Variants in BTBD17 observed in about 807,000 individuals in gnomAD.
The protein encoded by BTBD17 is BTB domain containing 17, also known as BTB/POZ domain-containing protein 17.
Under a neutral mutation model 36.9 loss-of-function variants are expected in BTBD17, and 26 were observed. That is an observed-to-expected ratio of 0.70 (90% confidence interval 0.52 to 0.98). BTBD17 has a LOEUF of 0.98. Among genes scored for constraint, BTBD17 ranks in the 50% least tolerant of loss-of-function variants. The pLI is 0.00. For missense variants in BTBD17, 630 were observed against 691.3 expected (o/e 0.91, Z 0.99); for synonymous variants, 341 against 338.0 (o/e 1.01, Z -0.10).
chr17:74,357,444 A>G lies in BTBD17; in HGVS notation c.650T>C (p.Leu217Pro). The change falls in exon 3 of 3, where the codon CTG becomes CCG. Residue 217 changes from leucine to proline, a missense_variant. Leu to Pro is a moderately conservative substitution (Grantham distance 98). Transcript: ENST00000375366. This position sits in a 1 kb window ranked among gnomAD's most constrained non-coding sequence, Gnocchi z 8.4. ...AVSPELLWQL[L>P]QRSDLVLQDE... ...CTGCAGCACCAGGTCCGAGCGTTGCAGGAGCTGCCAGAGCAGCTCGGGGCT... is the reference window on the plus strand; with the variant it reads ...CTGCAGCACCAGGTCCGAGCGTTGCGGGAGCTGCCAGAGCAGCTCGGGGCT... The G allele has an allele frequency of 3.2e-6, 5 of 1,582,916 alleles. No homozygotes were observed. The highest frequency in any genetic ancestry group is 1.1e-5 in the South Asian group (1 of 88,780).
In BTBD17 at chr17:74,357,007, G is replaced by C; in HGVS notation, c.1087C>G (p.Arg363Gly). 5 of 1,499,390 alleles carry C rather than the reference G, an allele frequency of 3.3e-6. No homozygotes were observed. Among genetic ancestry groups the C allele is most frequent in the Non-Finnish European group, 4.4e-6 (5 of 1,135,334 alleles). 92.9% of individuals were successfully genotyped at this position (1,499,390 alleles called of 1,614,324 possible). Residue 363 changes from arginine to glycine, a missense_variant, in exon 3 of 3, where the codon CGC becomes GGC. Arg to Gly is a moderately radical substitution (Grantham distance 125). Transcript: ENST00000375366. This position sits in a 1 kb window ranked among gnomAD's most constrained non-coding sequence, Gnocchi z 8.4. Reference protein sequence around the residue: ...RVTWNVLFSPRWLPVSLRPVY... With the variant: ...RVTWNVLFSPGWLPVSLRPVY... ...GGCCGCAGGCTGACGGGCAGCCAGC[G>C]CGGCGAGAAGAGCACGTTCCAGGTG...
upstream of BTBD17, among the ~76,000 whole-genome samples, chr17:74,362,170 C>T (rs984217757): frequency 6.6e-6 from 1 of 152,248 alleles, no homozygotes; most frequent in African/African-American, 2.4e-5. Context: ...GCGAGGGGCT[C>T]CAGGACCACT....
rs527949002 is a variant in BTBD17, at chr17:74,360,827, A to C, written c.86-582T>G. 3.9e-5 allele frequency among the ~76,000 whole-genome samples: 6 copies of C among 152,360 alleles called. No individual in the cohort carries two copies. The East Asian group carries it at 9.6e-4, about 24-fold the overall frequency. On this transcript the variant is annotated intron_variant, in intron 1 of 2. Transcript: ENST00000375366. ...CACACAAATAAGCACTCCAGTTTTA[A>C]AGGAGCCAGCCAGGGAACCAGTGTC...
intron 1 of BTBD17, 70 bp downstream of exon 1, chr17:74,361,665 C>T (rs911229730): frequency 2.2e-6 from 3 of 1,336,084 alleles, no homozygotes; most frequent in Non-Finnish European, 3.2e-6. Flanking sequence ...TCCTGGCCGG[C>T]CGCGTGCAGC....
rs1361629412 is a variant in BTBD17 at position 74,361,750 on chromosome 17, G to T, written c.70C>A (p.Leu24Met). 1 of 1,613,380 alleles carries T rather than the reference G, an allele frequency of 6.2e-7. No individual in the cohort carries two copies. The highest frequency in any genetic ancestry group is 1.3e-5 in the African/African-American group (1 of 74,926). ...SFWAMLTLVG[L>M]VTHAAQRADV... ...GCCCGCTCACCTGCATGGGTGACCAGGCCCACCAAGGTCAGCATGGCCCAG... is the reference window on the plus strand; with the variant it reads ...GCCCGCTCACCTGCATGGGTGACCATGCCCACCAAGGTCAGCATGGCCCAG... The change falls in exon 1 of 3, where the codon CTG becomes ATG. Residue 24 changes from leucine (L) to methionine (M), a missense_variant. Physicochemically the swap from Leu to Met is conservative, Grantham distance 15. Transcript: ENST00000375366.
At chr17:74,362,670 G>C (rs1447676756), upstream of BTBD17, among the ~76,000 whole-genome samples, 1 of 152,242 alleles carries the variant, frequency 6.6e-6, no homozygotes, top group Non-Finnish European at 1.5e-5. Flanking sequence ...GCTGGGGACT[G>C]TCTGCCCTGC....
intron 1 of BTBD17, 41 bp from the exon 2 acceptor site, chr17:74,360,286 C>T (rs760940506): frequency 3.3e-5 from 52 of 1,554,570 alleles, no homozygotes; most frequent in Non-Finnish European, 4.0e-5. Flanking sequence ...AGAAGGTGCC[C>T]GGGCCCAGAA....
In BTBD17 at chr17:74,361,812, C is replaced by T. The variant is rs773894565; in HGVS notation, c.8G>A (p.Arg3Lys). Reference protein sequence around the residue: MPRRGYSKPGSWG... With the variant: MPKRGYSKPGSWG... The stretch of plus-strand genomic sequence containing the variant: ...GGACCCAGGCTTGGAGTAGCCTCTC[C>T]TAGGCATCTTTATGCTCAGCCCCCA... Residue 3 changes from arginine to lysine, a missense_variant, in exon 1 of 3, where the codon AGG (arginine) becomes AAG (lysine). By Grantham distance (26) the Arg-to-Lys change is conservative. Transcript: ENST00000375366. 19 of 1,613,726 alleles carry T rather than the reference C, an allele frequency of 1.2e-5. No individual in the cohort carries two copies. The highest frequency in any genetic ancestry group is 1.6e-5 in the Non-Finnish European group (19 of 1,179,754).
chr17:74,359,481 A>G (rs868446853), intron 2 of BTBD17, among the ~76,000 whole-genome samples: 6 of 152,070 alleles, frequency 3.9e-5, no homozygotes, highest in Admixed American at 3.9e-4. Flanking sequence ...TCTGCCTCCC[A>G]GGTTCAAGCC....
chr17:74,359,843 T>A (rs1598406643), intron 2 of BTBD17, 126 bp downstream of exon 2: 2 of 943,900 alleles, frequency 2.1e-6, no homozygotes, highest in East Asian at 4.9e-5. Flanking sequence ...GTCACTGTCA[T>A]CCCAGTGATG....
Position 74,360,179 on chromosome 17 carries a change from T to C in BTBD17, c.152A>G (p.Gln51Arg). 3 of 1,611,902 alleles carry C rather than the reference T, an allele frequency of 1.9e-6. No homozygotes were observed. The African/African-American group carries it at 4.0e-5, about 21-fold the overall frequency. Residue 51 changes from glutamine to arginine, a missense_variant, in exon 2 of 3, where the codon CAG (glutamine) becomes CGG (arginine). Physicochemically the swap from Gln to Arg is conservative, Grantham distance 43. Coordinates refer to ENST00000375366, the MANE Select transcript of BTBD17 (RefSeq NM_001080466.2). ...CTGCCGCAGCAGCTCCTGCAAGCGCTGGAGCACCGCCTGGGAGTGGTTGAT... is the reference window on the plus strand; with the variant it reads ...CTGCCGCAGCAGCTCCTGCAAGCGCCGGAGCACCGCCTGGGAGTGGTTGAT... The part of the protein sequence containing the change: ...TSINHSQAVL[Q>R]RLQELLRQGN...
Position 74,357,678 on chromosome 17 carries a change from T to G in BTBD17, c.416A>C (p.His139Pro). 6.5e-7 allele frequency: 1 copy of G among 1,549,116 alleles called. No individual in the cohort carries two copies. Among genetic ancestry groups the G allele is most frequent in the Non-Finnish European group, 8.7e-7 (1 of 1,147,988 alleles). The change falls in exon 3 of 3, where the codon CAC becomes CCC. Residue 139 changes from histidine to proline, a missense_variant. By Grantham distance (77) the His-to-Pro change is moderately conservative (BLOSUM62 -2). Coordinates refer to ENST00000375366, the MANE Select transcript of BTBD17 (RefSeq NM_001080466.2). This position sits in a 1 kb window ranked among gnomAD's most constrained non-coding sequence, Gnocchi z 8.4. ...CACGCCGTACTTGGTGGCCAGTCTGTGCAGGGGGATGGCCTGGGTCAGCAG... is the reference window on the plus strand; with the variant it reads ...CACGCCGTACTTGGTGGCCAGTCTGGGCAGGGGGATGGCCTGGGTCAGCAG... ...TVLLTQAIPL[H>P]RLATKYGVSS...
chr17:74,356,450 A>C lies in BTBD17; in HGVS notation c.*207T>G. On this transcript the variant is annotated 3_prime_UTR_variant, in exon 3 of 3. Coordinates refer to ENST00000375366, the MANE Select transcript of BTBD17 (RefSeq NM_001080466.2). This position sits in a 1 kb window ranked among gnomAD's most constrained non-coding sequence, Gnocchi z 4.3. ...CTGAGCATCGGTTTATTCAGGACCA[A>C]GAACGTTCCTTCAAGTCAGCTGTGA... is the stretch of plus-strand genomic sequence containing the variant. 2.5e-6 allele frequency: 2 copies of C among 788,660 alleles called. No homozygotes were observed. The highest frequency in any genetic ancestry group is 3.5e-6 in the Non-Finnish European group (2 of 574,986). 48.9% of individuals were successfully genotyped at this position (788,660 alleles called of 1,614,324 possible). A position where few individuals can be genotyped will look rare whatever the true frequency, so the allele number is the denominator to read the frequency against.
In BTBD17 at chr17:74,357,532, A is replaced by C; in HGVS notation, c.562T>G (p.Cys188Gly). Residue 188 changes from cysteine to glycine, a missense_variant, in exon 3 of 3, where the codon TGC becomes GGC. Physicochemically the swap from Cys to Gly is radical, Grantham distance 159. Transcript: ENST00000375366. The surrounding 1 kb of genome is among the most constrained non-coding windows in gnomAD (Gnocchi z 8.4). ...AGGTTCCAGGCCAGGAACTGCAGGC[A>C]GCTCTCGCGCAGGGCCTCGTCCCCG... Reference protein sequence around the residue: ...GTGDEALRESCLQFLAWNLSA... With the variant: ...GTGDEALRESGLQFLAWNLSA... 2 of 1,559,072 alleles carry C rather than the reference A, an allele frequency of 1.3e-6. No individual in the cohort carries two copies. The highest frequency in any genetic ancestry group is 1.7e-6 in the Non-Finnish European group (2 of 1,159,418).
intron 2 of BTBD17, among the ~76,000 whole-genome samples, chr17:74,359,235 T>TATTTA (rs2054919337): frequency 6.6e-6 from 1 of 151,986 alleles, no homozygotes; most frequent in Non-Finnish European, 1.5e-5. Flanking sequence ...TCGTCTATAA[T>TATTTA]GGAATATTTA....
chr17:74,360,538 A>G (rs1425583004), intron 1 of BTBD17, among the ~76,000 whole-genome samples: 1 of 152,196 alleles, frequency 6.6e-6, no homozygotes, highest in South Asian at 2.1e-4. Flanking sequence ...TTAGGACAAC[A>G]TGCCCAGAAC....
At chr17:74,358,473 A>C (rs981262714) in intron 2 of BTBD17, among the ~76,000 whole-genome samples, 9 of 127,230 alleles carry the variant, frequency 7.1e-5, no homozygotes, top group African/African-American at 2.3e-4. Context: ...ACGACACTCC[A>C]GCTTTTTTTT....
In BTBD17 at chr17:74,360,186, C is replaced by T. The variant is rs535189621; in HGVS notation, c.145G>A (p.Val49Met). The T allele has an allele frequency of 2.8e-5, 45 of 1,612,174 alleles. 2 individuals carry two copies. In the South Asian group the frequency reaches 4.7e-4, roughly 17 times the overall value. ...AGTSINHSQA[V>M]LQRLQELLRQ... Reference sequence around the variant, plus strand: ...AGCAGCTCCTGCAAGCGCTGGAGCACCGCCTGGGAGTGGTTGATGGAGGTG... The same window carrying T: ...AGCAGCTCCTGCAAGCGCTGGAGCATCGCCTGGGAGTGGTTGATGGAGGTG... Residue 49 changes from valine to methionine, a missense_variant, in exon 2 of 3, where the codon GTG becomes ATG. Physicochemically the swap from Val to Met is conservative, Grantham distance 21. Transcript: ENST00000375366.
chr17:74,357,735 C>G lies in BTBD17; in HGVS notation c.363-4G>C, dbSNP rs1038573351. ...CAGCTCCCCGCAGTACAGGTACCTG[C>G]GGGAGAGACCGAGAGGTGGGGCGGG... On this transcript the variant is annotated splice_polypyrimidine_tract_variant and splice_region_variant and intron_variant, in intron 2 of 2. Transcript: ENST00000375366. This position sits in a 1 kb window ranked among gnomAD's most constrained non-coding sequence, Gnocchi z 8.4. 5.2e-6 allele frequency: 8 copies of G among 1,525,384 alleles called. No homozygotes were observed. The highest frequency in any genetic ancestry group is 7.0e-6 in the Non-Finnish European group (8 of 1,137,042). The allele number at this position is 1,525,384 out of a possible 1,614,324, so 94.5% of individuals were successfully genotyped here.
Sources: allele counts gnomAD v4.1 joint callset (sites outside exome capture counted in the v4.1 genomes callset), GRCh38; gene constraint gnomAD v4.1.1; non-coding constraint Gnocchi (gnomAD v3.1); transcripts MANE v1.5; gene names NCBI Gene and HGNC (gene_info 2026-07-23, HGNC 2026-07-21).